ANKRD36C: variants seen among roughly 807,000 people sequenced by gnomAD.
ANKRD36C encodes ankyrin repeat domain 36C, also known as ankyrin repeat domain-containing protein 36C.
A neutral mutation model predicts 276.4 loss-of-function variants in ANKRD36C; 61 were observed. The observed-to-expected ratio is 0.22, with a 90% CI of 0.18 to 0.27. The LOEUF is 0.27. ANKRD36C is among the 10% of genes least tolerant of loss of function. The probability of loss-of-function intolerance (pLI) is 1.00; values close to 1 mark genes in which losing one functional copy is unlikely to be tolerated. For missense variants in ANKRD36C, 1,447 were observed against 2,032.3 expected, an observed-to-expected ratio of 0.71 and a Z score of 5.54; for synonymous variants, 483 against 680.1, an observed-to-expected ratio of 0.71 and a Z score of 4.51.
chr2:95,910,503 A>G, intron 42 of ANKRD36C, 37 bp downstream of exon 45: 3 of 1,603,990 alleles, frequency 1.9e-6, no homozygotes, highest in Non-Finnish European at 2.6e-6. Flanking sequence ...TAGACCATAC[A>G]TTAACTCGTT....
At chr2:95,916,970 G>A (rs1041784840) in intron 36 of ANKRD36C, among the ~76,000 whole-genome samples, 36 of 151,582 alleles carry the variant, frequency 2.4e-4, no homozygotes, top group African/African-American at 8.0e-4. Flanking sequence ...CATTGAAAAT[G>A]ACCATTTTAG....
At chr2:95,858,172 A>G in intron 61 of ANKRD36C, among the ~76,000 whole-genome samples, 1 of 151,856 alleles carries the variant, frequency 6.6e-6, no homozygotes, top group South Asian at 2.1e-4. Context: ...CACCTTGGGC[A>G]CATGTTCTCA....
At chr2:95,884,545 AC>A (rs1489212610) in intron 52 of ANKRD36C, among the ~76,000 whole-genome samples, 177 bp from the exon 73 acceptor site, 1 of 152,038 alleles carries the variant, frequency 6.6e-6, no homozygotes, top group African/African-American at 2.4e-5. Flanking sequence ...AAAAAGTAAT[AC>A]AGCCTTCATG....
intron 36 of ANKRD36C, 104 bp downstream of exon 38, chr2:95,917,751 G>C (rs1677143736): frequency 7.2e-7 from 1 of 1,389,798 alleles, no homozygotes; most frequent in Non-Finnish European, 9.8e-7. Context: ...AGAATGTGCA[G>C]CTTTGGCGAG....
downstream of ANKRD36C, among the ~76,000 whole-genome samples, chr2:95,850,892 G>T (rs367620221): frequency 8.5e-5 from 13 of 152,224 alleles, no homozygotes; most frequent in East Asian, 2.1e-3. Flanking sequence ...GTTCTATAGG[G>T]GTGGCAGAAG....
At chr2:95,852,733 C>A (rs1675322738) in intron 64 of ANKRD36C, 1 of 152,216 alleles carries the variant, frequency 6.6e-6, no homozygotes, top group African/African-American at 2.4e-5. Context: ...AAGCAACTTG[C>A]ACATTTTTAA....
At position 95,941,205 on chromosome 2, in the gene ANKRD36C, A is replaced by G; in HGVS notation, c.1492-6T>C. On this transcript the variant is annotated splice_region_variant and splice_polypyrimidine_tract_variant and intron_variant, in intron 19 of 66. Coordinates refer to ENST00000456556, the Ensembl canonical transcript of ANKRD36C. ...GCTGGTAGTGCTTTTCCTTCCTATTAAAAAAAAAAAAAAGAAATCTTCAGA... is the reference window on the plus strand; with the variant it reads ...GCTGGTAGTGCTTTTCCTTCCTATTGAAAAAAAAAAAAAGAAATCTTCAGA... The G allele has an allele frequency of 4.1e-6, 2 of 491,256 alleles. No homozygotes were observed. Among genetic ancestry groups the G allele is most frequent in the South Asian group, 1.1e-4 (2 of 18,918 alleles). The allele number at this position is 491,256 out of a possible 1,614,324, so 30.4% of individuals were successfully genotyped here.
exon 1 of ANKRD36C, chr2:95,991,692 G>A (rs767958546): frequency 1.2e-6 from 2 of 1,613,424 alleles, no homozygotes; most frequent in Non-Finnish European, 1.7e-6. Context: ...CCACCTCTTC[G>A]GCTCCTTGTC....
chr2:95,960,050 G>C (rs1425852445), intron 10 of ANKRD36C, among the ~76,000 whole-genome samples: 1 of 152,064 alleles, frequency 6.6e-6, no homozygotes, highest in South Asian at 2.1e-4. Context: ...CAGTGGTCTT[G>C]TTACTTCTCA....
At chr2:95,973,904 T>C (rs1678749887) in intron 6 of ANKRD36C, among the ~76,000 whole-genome samples, 1 of 152,022 alleles carries the variant, frequency 6.6e-6, no homozygotes. Context: ...AAAAGTTAGC[T>C]TGGTGTGGTG....
intron 34 of ANKRD36C, among the ~76,000 whole-genome samples, 162 bp downstream of exon 34, chr2:95,921,445 G>A (rs1463326997): frequency 3.3e-5 from 5 of 151,480 alleles, no homozygotes; most frequent in African/African-American, 4.8e-5. Flanking sequence ...CAGCATTAGC[G>A]TCACCCAAGA....
chr2:95,896,314 T>C (rs1676548847), intron 44 of ANKRD36C, among the ~76,000 whole-genome samples: 1 of 149,614 alleles, frequency 6.7e-6, no homozygotes, highest in African/African-American at 2.5e-5. Flanking sequence ...GACATACTTC[T>C]ACAAAGTCAA....
At chr2:95,873,789 A>G (rs965052008) in intron 59 of ANKRD36C, among the ~76,000 whole-genome samples, 1 of 152,258 alleles carries the variant, frequency 6.6e-6, no homozygotes, top group African/African-American at 2.4e-5. Context: ...CCATTGTCTC[A>G]GCCCAAAATC....
At chr2:95,890,561 C>A (rs893224034) in intron 46 of ANKRD36C, among the ~76,000 whole-genome samples, 1 of 151,454 alleles carries the variant, frequency 6.6e-6, no homozygotes, top group East Asian at 1.9e-4. Flanking sequence ...ATATTCATTA[C>A]CTCTCACACC....
intron 66 of ANKRD36C, among the ~76,000 whole-genome samples, 195 bp from the exon 87 acceptor site, chr2:95,851,390 G>C (rs1187135478): frequency 1.3e-5 from 2 of 152,098 alleles, no homozygotes; most frequent in Non-Finnish European, 2.9e-5. Context: ...TTCCACACCT[G>C]ACCTCATGTG....
At chr2:95,891,491 C>G (rs1259902419) in intron 46 of ANKRD36C, among the ~76,000 whole-genome samples, 174 bp downstream of exon 66, 1 of 151,170 alleles carries the variant, frequency 6.6e-6, no homozygotes, top group Non-Finnish European at 1.5e-5. Context: ...CTGCGAAGAT[C>G]ATGTTCCAGA....
chr2:95,925,997 G>A (rs1278231323), intron 28 of ANKRD36C, among the ~76,000 whole-genome samples: 1 of 151,476 alleles, frequency 6.6e-6, no homozygotes, highest in Non-Finnish European at 1.5e-5. Context: ...CCTGGTAATT[G>A]AGCAGGTACA....
At chr2:95,889,363 C>G (rs182563095) in intron 48 of ANKRD36C, among the ~76,000 whole-genome samples, 2 of 151,590 alleles carry the variant, frequency 1.3e-5, no homozygotes, top group African/African-American at 4.8e-5. Context: ...AAAATAATTG[C>G]TACATCACTG....
At chr2:95,862,622 A>G (rs1332184355) in intron 60 of ANKRD36C, among the ~76,000 whole-genome samples, 1 of 151,170 alleles carries the variant, frequency 6.6e-6, no homozygotes, top group African/African-American at 2.4e-5. Flanking sequence ...GCAACTAGAT[A>G]AAAGAAGAGT....
Sources: allele counts gnomAD v4.1 joint callset (sites outside exome capture counted in the v4.1 genomes callset), GRCh38; gene constraint gnomAD v4.1.1; transcripts MANE v1.5; gene names NCBI Gene and HGNC (gene_info 2026-07-23, HGNC 2026-07-21).